HMGN3: variants seen among roughly 807,000 people sequenced by gnomAD.
The protein encoded by HMGN3 is high mobility group nucleosomal binding domain 3, also known as high mobility group nucleosome-binding domain-containing protein 3.
A neutral mutation model predicts 18.8 loss-of-function variants in HMGN3; 6 were observed. The observed-to-expected ratio is 0.32, with a 90% CI of 0.18 to 0.63. HMGN3 has a LOEUF of 0.63. HMGN3 is among the 30% of genes least tolerant of loss of function. HMGN3 has a pLI of 0.79. For synonymous variants in HMGN3, 40 were observed against 36.5 expected (o/e 1.10, Z -0.35); for missense variants, 107 against 114.2 (o/e 0.94, Z 0.29).
chr6:79,206,661 C>A (rs1047130251), intron 3 of HMGN3, among the ~76,000 whole-genome samples: 31 of 152,332 alleles, frequency 2.0e-4, no homozygotes, highest in Admixed American at 1.9e-3. Flanking sequence ...GGGTTGAAGC[C>A]CTCACACAGA....
chr6:79,205,470 CTCTT>C (rs1776377742), intron 3 of HMGN3, among the ~76,000 whole-genome samples: 1 of 152,382 alleles, frequency 6.6e-6, no homozygotes, highest in Non-Finnish European at 1.5e-5. Context: ...AGCGCTCTCT[CTCTT>C]TGCCTGCCAC....
At chr6:79,224,373 C>A (rs1396671141) in intron 1 of HMGN3, among the ~76,000 whole-genome samples, 1 of 152,158 alleles carries the variant, frequency 6.6e-6, no homozygotes, top group Admixed American at 6.5e-5. Context: ...TAACCTGTAG[C>A]CCTAGCCAAA....
At chr6:79,230,279 G>A (rs1777776210) in intron 1 of HMGN3, among the ~76,000 whole-genome samples, 1 of 152,142 alleles carries the variant, frequency 6.6e-6, no homozygotes, top group African/African-American at 2.4e-5. Flanking sequence ...GGGCTAGGCT[G>A]GGAGTGGGGA....
intron 3 of HMGN3, among the ~76,000 whole-genome samples, chr6:79,204,061 G>C (rs938814925): frequency 6.6e-6 from 1 of 152,160 alleles, no homozygotes; most frequent in African/African-American, 2.4e-5. Context: ...AAGCCCAACT[G>C]GTAATGAAGA....
Position 79,208,542 on chromosome 6 carries a change from C to CG in HMGN3, c.96+4_96+5insC. 6.2e-7 allele frequency: 1 copy of CG among 1,608,690 alleles called. No individual in the cohort carries two copies. Among genetic ancestry groups the CG allele is most frequent in the Non-Finnish European group, 8.5e-7 (1 of 1,174,942 alleles). On this transcript the variant is annotated splice_donor_region_variant and intron_variant, in intron 3 of 5. Transcript: ENST00000344726. ...CTAACACTGAAGTGGTTCTAAGGTA[C>CG]TTACCGCTGACAATCTGGCAGACCG...
At chr6:79,203,482 G>A (rs1007746551) in intron 4 of HMGN3, 98 bp downstream of exon 4, 1 of 1,048,808 alleles carries the variant, frequency 9.5e-7, no homozygotes, top group Non-Finnish European at 1.5e-6. Flanking sequence ...TTTCAGTTTG[G>A]ATCATTAAAT....
In HMGN3 at chr6:79,202,578, T is replaced by C. The variant is rs192136662; in HGVS notation, c.148-189A>G. Among the ~76,000 whole-genome samples the C allele has an allele frequency of 2.6e-5, 4 of 152,306 alleles. No homozygotes were observed. The East Asian group carries it at 7.7e-4, about 29-fold the overall frequency. On this transcript the variant is annotated intron_variant, in intron 4 of 5. Coordinates refer to ENST00000344726, the Ensembl canonical transcript of HMGN3. ...TACACTGCACAAATATGAGTCTCTG[T>C]GAAAATGTAGTAACAGGTTGCACAG...
Position 79,202,409 on chromosome 6 carries a change from C to T in HMGN3, c.148-20G>A, listed in dbSNP as rs772373292. On this transcript the variant is annotated intron_variant, in intron 4 of 5. Transcript: ENST00000344726. ...TTCTTTCTAACAGAGGATCAAAGCA[C>T]AGTGAAAGAGAATGTTAGACACGGT... 6.3e-7 allele frequency: 1 copy of T among 1,575,068 alleles called. No individual in the cohort carries two copies. Among genetic ancestry groups the T allele is most frequent in the Admixed American group, 1.7e-5 (1 of 59,934 alleles).
At chr6:79,225,943 T>C (rs1228537368) in intron 1 of HMGN3, among the ~76,000 whole-genome samples, 1 of 152,246 alleles carries the variant, frequency 6.6e-6, no homozygotes, top group Non-Finnish European at 1.5e-5. Flanking sequence ...CCAGCCTATA[T>C]TGTAATAAAG....
chr6:79,202,111 G>C (rs1776164925), intron 5 of HMGN3: 3 of 1,542,522 alleles, frequency 1.9e-6, no homozygotes, highest in Non-Finnish European at 2.6e-6. Flanking sequence ...TGGGTGGGGT[G>C]CCTCTGGAGG....
Position 79,225,507 on chromosome 6 carries a change from G to A in HMGN3, c.15+9039C>T, listed in dbSNP as rs867763871. On this transcript the variant is annotated intron_variant, in intron 1 of 5. Coordinates refer to ENST00000344726, the Ensembl canonical transcript of HMGN3. Reference sequence around the variant, plus strand: ...AGCATCTACTTATTTTTTAAACCCAGTCCCTAAGTAATGACAGCTTAATAT... The same window carrying A: ...AGCATCTACTTATTTTTTAAACCCAATCCCTAAGTAATGACAGCTTAATAT... Among the ~76,000 whole-genome samples the A allele has an allele frequency of 9.3e-4, 141 of 152,190 alleles. 1 individual carries two copies. Among genetic ancestry groups the A allele is most frequent in the Middle Eastern group, 3.4e-3 (1 of 292 alleles).
At chr6:79,214,394 G>A (rs1167788114) in intron 2 of HMGN3, among the ~76,000 whole-genome samples, 1 of 151,704 alleles carries the variant, frequency 6.6e-6, no homozygotes, top group East Asian at 1.9e-4. Flanking sequence ...GTAGAGATGG[G>A]GTTTCACCGT....
At position 79,218,879 on chromosome 6, in the gene HMGN3, C is replaced by T. The variant is rs531974286; in HGVS notation, c.16-3857G>A. Among the ~76,000 whole-genome samples the T allele has an allele frequency of 1.9e-4, 29 of 152,176 alleles. No individual in the cohort carries two copies. The South Asian group carries it at 2.7e-3, about 14-fold the overall frequency. Reference sequence around the variant, plus strand: ...TCATTGAAATAAAAAACTCAAAACACGGATAAACTCTAGACCAGACACAGT... The same window carrying T: ...TCATTGAAATAAAAAACTCAAAACATGGATAAACTCTAGACCAGACACAGT... On this transcript the variant is annotated intron_variant, in intron 1 of 5. Coordinates refer to ENST00000344726, the Ensembl canonical transcript of HMGN3.
chr6:79,208,432 A>G, intron 3 of HMGN3, 115 bp downstream of exon 3: 3 of 952,310 alleles, frequency 3.2e-6, no homozygotes, highest in East Asian at 2.4e-5. Flanking sequence ...GGTAATTTTC[A>G]AAAAGAAAAT....
rs186762663 is a variant in HMGN3, at chr6:79,231,275, A to C, written c.15+3271T>G. ...TCTTCGTAGAACATCAAATCATCAC[A>C]TAACAACATGACCACTGCGGGCATT... On this transcript the variant is annotated intron_variant, in intron 1 of 5. Coordinates refer to ENST00000344726, the Ensembl canonical transcript of HMGN3. Among the ~76,000 whole-genome samples the C allele has an allele frequency of 2.4e-3, 363 of 152,338 alleles. 6 individuals are homozygous for C. The highest frequency in any genetic ancestry group is 0.021 in the Admixed American group (319 of 15,304).
chr6:79,232,643 A>G (rs1003298389), intron 1 of HMGN3, among the ~76,000 whole-genome samples: 6 of 151,560 alleles, frequency 4.0e-5, no homozygotes, highest in Admixed American at 6.6e-5. Context: ...AGAGGCAGAC[A>G]GGGGAAGTAA....
chr6:79,225,958 T>C (rs1310403432), intron 1 of HMGN3, among the ~76,000 whole-genome samples: 1 of 152,216 alleles, frequency 6.6e-6, no homozygotes, highest in East Asian at 1.9e-4. Context: ...ATAAAGATAT[T>C]TTAAACAAAT....
At chr6:79,206,985 C>G (rs1776453472) in intron 3 of HMGN3, among the ~76,000 whole-genome samples, 1 of 152,168 alleles carries the variant, frequency 6.6e-6, no homozygotes, top group Non-Finnish European at 1.5e-5. Context: ...CCTGTAGCCC[C>G]TATGTTTTGG....
chr6:79,218,873 A>G (rs990210979), intron 1 of HMGN3, among the ~76,000 whole-genome samples: 1 of 152,248 alleles, frequency 6.6e-6, no homozygotes, highest in African/African-American at 2.4e-5. Context: ...TAAAAAACTC[A>G]AAACACGGAT....
Sources: gnomAD v4.1 joint callset for allele counts (sites outside exome capture counted in the v4.1 genomes callset) on GRCh38, gnomAD v4.1.1 for gene constraint, MANE v1.5 for transcripts, NCBI Gene and HGNC (gene_info 2026-07-23, HGNC 2026-07-21) for gene names.